COPA: variants seen among roughly 807,000 people sequenced by gnomAD.
The protein encoded by COPA is coatomer subunit alpha.
COPA carries 10 observed loss-of-function variants against 158.7 expected under a neutral mutation model. The ratio of observed to expected loss-of-function variants is 0.06; its 90% CI spans 0.04 to 0.11. The LOEUF is 0.11. Among genes scored for constraint, COPA ranks in the 10% least tolerant of loss-of-function variants. The probability of loss-of-function intolerance (pLI) is 1.00; values close to 1 mark genes in which losing one functional copy is unlikely to be tolerated. For missense variants in COPA, 1,065 were observed against 1,536.7 expected, an observed-to-expected ratio of 0.69 and a Z score of 5.13; for synonymous variants, 462 against 542.8, an observed-to-expected ratio of 0.85 and a Z score of 2.07.
intron 6 of COPA, among the ~76,000 whole-genome samples, chr1:160,327,342 G>A (rs1408203910): frequency 6.6e-6 from 1 of 151,942 alleles, no homozygotes; most frequent in Non-Finnish European, 1.5e-5. Context: ...TTTGAGGTCT[G>A]CCTGGCTAAC....
intron 11 of COPA, 108 bp downstream of exon 11, chr1:160,311,756 TTAAA>T (rs1658974371): frequency 1.2e-5 from 13 of 1,089,480 alleles, no homozygotes; most frequent in South Asian, 3.7e-5. Context: ...CAAAAAAAAA[TTAAA>T]TAAATAAAAT....
At position 160,321,130 on chromosome 1, in the gene COPA, G is replaced by A. The variant is rs1659320727; in HGVS notation, c.706+2301C>T. Among the ~76,000 whole-genome samples, 3 of 152,016 alleles carry A rather than the reference G, an allele frequency of 2.0e-5. No homozygotes were observed. In the South Asian group the frequency reaches 6.2e-4, roughly 32 times the overall value. On this transcript the variant is annotated intron_variant, in intron 8 of 32. Coordinates refer to ENST00000241704, the MANE Select transcript of COPA (RefSeq NM_004371.4). ...GTTAAGCAGATGCTGAAAAAACATT[G>A]GATAAAATTCAACATCCCTTTATAA...
Position 160,343,141 on chromosome 1 carries a change from C to T in COPA, c.30G>A (p.Ala10=). Residue 10 remains alanine, a synonymous_variant, in exon 1 of 33, where the codon GCG becomes GCA. Transcript: ENST00000241704. ...TTTATTCTCCACTACCTTTGACCCG[C>T]GCGCTCTTGGTCTCGAATTTGGTTA... The part of the protein sequence containing the change: MLTKFETKS[A]RVKGLSFHPK... 6.2e-7 allele frequency: 1 copy of T among 1,614,186 alleles called. No homozygotes were observed. The highest frequency in any genetic ancestry group is 1.7e-5 in the Admixed American group (1 of 60,020).
At chr1:160,296,533 T>G (rs1054990021) in intron 21 of COPA, among the ~76,000 whole-genome samples, 1 of 152,176 alleles carries the variant, frequency 6.6e-6, no homozygotes, top group Non-Finnish European at 1.5e-5. Context: ...ATTGAGTGAG[T>G]GCAGAAGTAG....
chr1:160,311,821 G>C (rs781134414), intron 11 of COPA, 47 bp downstream of exon 11: 3 of 1,560,942 alleles, frequency 1.9e-6, no homozygotes, highest in Admixed American at 1.7e-5. Flanking sequence ...AGTTGTATCA[G>C]GGTGACAGAT....
At chr1:160,340,747 T>C (rs1182838619) in intron 1 of COPA, among the ~76,000 whole-genome samples, 2 of 152,204 alleles carry the variant, frequency 1.3e-5, no homozygotes, top group East Asian at 3.8e-4. Context: ...CTCTGCCTTC[T>C]CCTTTCCAGT....
At chr1:160,291,249 T>C in intron 31 of COPA, 86 bp downstream of exon 31, 1 of 1,429,410 alleles carries the variant, frequency 7.0e-7, no homozygotes, top group Non-Finnish European at 9.6e-7. Flanking sequence ...TTTATTGCTT[T>C]GTTTCAGAGG....
chr1:160,297,891 GA>G, intron 19 of COPA, 146 bp from the exon 20 acceptor site: 2 of 958,192 alleles, frequency 2.1e-6, no homozygotes, highest in Admixed American at 6.2e-5. Flanking sequence ...TAATTCCATT[GA>G]AAATCGGCTG....
intron 20 of COPA, 46 bp from the exon 21 acceptor site, chr1:160,297,484 C>G (rs1423960041): frequency 3.7e-6 from 6 of 1,612,866 alleles, no homozygotes; most frequent in Non-Finnish European, 5.1e-6. Flanking sequence ...CTCTTAAGTT[C>G]TCTTTCTCCT....
intron 3 of COPA, chr1:160,339,595 A>C: frequency 4.7e-6 from 1 of 213,360 alleles, no homozygotes; most frequent in Non-Finnish European, 9.5e-6. Flanking sequence ...TTCACTGTGA[A>C]TATCTCTCTA....
intron 23 of COPA, 69 bp from the exon 24 acceptor site, chr1:160,294,926 G>C: frequency 7.3e-7 from 1 of 1,366,008 alleles, no homozygotes; most frequent in East Asian, 2.3e-5. Context: ...CTTTTCTGTA[G>C]GCAGGTTAAA....
In COPA at chr1:160,307,152, T is replaced by C. The variant is rs200843078; in HGVS notation, c.1302+11A>G. 6.2e-7 allele frequency: 1 copy of C among 1,613,852 alleles called. No homozygotes were observed. The highest frequency in any genetic ancestry group is 8.5e-7 in the Non-Finnish European group (1 of 1,179,884). ...TCCCCAAATTAGTTTCTGCTTTTAGTCTTAACTCACCGAATGCATCCGATC... is the reference window on the plus strand; with the variant it reads ...TCCCCAAATTAGTTTCTGCTTTTAGCCTTAACTCACCGAATGCATCCGATC... On this transcript the variant is annotated intron_variant, in intron 14 of 32. Transcript: ENST00000241704.
intron 15 of COPA, 124 bp from the exon 16 acceptor site, chr1:160,305,897 T>C: frequency 1.3e-6 from 1 of 789,648 alleles, no homozygotes. Flanking sequence ...TCTAATTACA[T>C]AAAATACTTA....
At position 160,343,217 on chromosome 1, in the gene COPA, C is replaced by A; in HGVS notation, c.-47G>T. On this transcript the variant is annotated 5_prime_UTR_variant, in exon 1 of 33. Transcript: ENST00000241704. Reference sequence around the variant, plus strand: ...TGTCTTAATCCGAGCCCCGACACACCCTGCTGCCCTTCGGACGCCTCCACG... The same window carrying A: ...TGTCTTAATCCGAGCCCCGACACACACTGCTGCCCTTCGGACGCCTCCACG... The A allele has an allele frequency of 6.2e-7, 1 of 1,613,280 alleles. No individual in the cohort carries two copies. Among genetic ancestry groups the A allele is most frequent in the Non-Finnish European group, 8.5e-7 (1 of 1,179,218 alleles).
In COPA at chr1:160,307,211, G is replaced by T. The variant is rs143948659; in HGVS notation, c.1254C>A (p.Ala418=). The T allele has an allele frequency of 6.2e-7, 1 of 1,614,066 alleles. No individual in the cohort carries two copies. The part of the protein sequence containing the change: ...PEGKRSSGLT[A]VWVARNRFAV... Reference sequence around the variant, plus strand: ...CAAACCGATTTCGAGCGACCCAAACGGCTGTCAGGCCTGAGGATCGTTTCC... The same window carrying T: ...CAAACCGATTTCGAGCGACCCAAACTGCTGTCAGGCCTGAGGATCGTTTCC... Residue 418 remains alanine, a synonymous_variant, in exon 14 of 33, where the codon GCC becomes GCA. Coordinates refer to ENST00000241704, the MANE Select transcript of COPA (RefSeq NM_004371.4).
At position 160,339,827 on chromosome 1, in the gene COPA, C is replaced by A. The variant is rs140756370; in HGVS notation, c.228+82G>T. ...CTGAGCTCTGTATGAATGAAATTTC[C>A]TGTCTTTCAGTTCCTTTCATGATTC... is the stretch of plus-strand genomic sequence containing the variant. On this transcript the variant is annotated intron_variant, in intron 3 of 32. Transcript: ENST00000241704. The A allele has an allele frequency of 2.0e-3, 2,556 of 1,310,464 alleles. 36 individuals carry two copies. In the East Asian group the frequency reaches 0.034, roughly 17 times the overall value. 81.2% of individuals were successfully genotyped at this position (1,310,464 alleles called of 1,614,324 possible).
chr1:160,299,365 G>T, intron 17 of COPA, 101 bp from the exon 18 acceptor site: 1 of 1,166,702 alleles, frequency 8.6e-7, no homozygotes, highest in South Asian at 1.5e-5. Context: ...AGTGCCATTT[G>T]AACAATGATA....
intron 6 of COPA, among the ~76,000 whole-genome samples, chr1:160,329,107 C>A (rs1482944022): frequency 6.6e-6 from 1 of 152,060 alleles, no homozygotes; most frequent in East Asian, 1.9e-4. Context: ...CAAAAAAGAA[C>A]CCTGCTGAAA....
chr1:160,311,843 G>A (rs1376793682), intron 11 of COPA, 25 bp downstream of exon 11: 5 of 1,603,856 alleles, frequency 3.1e-6, no homozygotes, highest in Non-Finnish European at 3.4e-6. Flanking sequence ...AGAGGGTTTG[G>A]AGGAAAGAAA....
Sources: gnomAD v4.1 joint callset for allele counts (sites outside exome capture counted in the v4.1 genomes callset) on GRCh38, gnomAD v4.1.1 for gene constraint, MANE v1.5 for transcripts, NCBI Gene and HGNC (gene_info 2026-07-23, HGNC 2026-07-21) for gene names.